Variants in SLC35D4 observed in about 807,000 individuals in gnomAD.
SLC35D4 encodes UDP-N-acetylglucosamine transporter SLC35D4.
chr18:23,365,987 T>G, the SLC35D4 span, among the ~76,000 whole-genome samples: 1 of 152,274 alleles, frequency 6.6e-6, no homozygotes, highest in African/African-American at 2.4e-5. Flanking sequence ...CCAAGAGTAT[T>G]TATAAGCTAA....
chr18:23,302,346 T>C, the SLC35D4 span, among the ~76,000 whole-genome samples: 1 of 152,320 alleles, frequency 6.6e-6, no homozygotes, highest in Middle Eastern at 3.4e-3. Flanking sequence ...TTTAGACCAG[T>C]GATTCTCAAC....
At chr18:23,264,001 C>T in the SLC35D4 span, among the ~76,000 whole-genome samples, 2 of 152,218 alleles carry the variant, frequency 1.3e-5, no homozygotes, top group Non-Finnish European at 1.5e-5. Context: ...ACTCGAGCAC[C>T]TATCACAGGG....
the SLC35D4 span, among the ~76,000 whole-genome samples, chr18:23,304,832 C>G: frequency 6.6e-5 from 10 of 152,280 alleles, no homozygotes; most frequent in African/African-American, 2.4e-4. Flanking sequence ...CAACTCTCAG[C>G]CCAGCTAAGC....
At chr18:23,416,025 C>T in the SLC35D4 span, among the ~76,000 whole-genome samples, 12 of 152,058 alleles carry the variant, frequency 7.9e-5, no homozygotes, top group Admixed American at 5.9e-4. Flanking sequence ...CTGACCAACA[C>T]GGTGAAACCA....
the SLC35D4 span, among the ~76,000 whole-genome samples, chr18:23,275,594 G>GTGCTGTGCTGTGCTGTGCTGTGCTA: frequency 4.6e-5 from 1 of 21,720 alleles, no homozygotes; most frequent in African/African-American, 2.6e-4. Flanking sequence ...GTCAGAAAGA[G>GTGCTGTGCTGTGCTGTGCTGTGCTA]TGCTGTGCTG....
chr18:23,269,883 A>G, the SLC35D4 span, among the ~76,000 whole-genome samples: 1 of 152,252 alleles, frequency 6.6e-6, no homozygotes, highest in East Asian at 1.9e-4. Context: ...TAAGTGGCAA[A>G]GCATTCAAGA....
the SLC35D4 span, among the ~76,000 whole-genome samples, chr18:23,379,059 G>A: frequency 6.6e-6 from 1 of 152,104 alleles, no homozygotes; most frequent in Admixed American, 6.5e-5. Context: ...AAGGAGGAGG[G>A]CAAAGGTGAT....
At chr18:23,388,563 T>C in the SLC35D4 span, among the ~76,000 whole-genome samples, 1 of 152,182 alleles carries the variant, frequency 6.6e-6, no homozygotes, top group East Asian at 1.9e-4. Context: ...AGTGAAAACT[T>C]CCGGGACCTC....
the SLC35D4 span, among the ~76,000 whole-genome samples, chr18:23,341,954 T>C: frequency 6.6e-6 from 1 of 151,154 alleles, no homozygotes; most frequent in African/African-American, 2.4e-5. Flanking sequence ...AAAAAGAGAC[T>C]TGAAACTAGT....
At chr18:23,367,022 C>T in the SLC35D4 span, among the ~76,000 whole-genome samples, 1 of 152,138 alleles carries the variant, frequency 6.6e-6, no homozygotes, top group Non-Finnish European at 1.5e-5. Flanking sequence ...ATTATTTTAC[C>T]TCCCTGAATC....
At chr18:23,253,768 T>C in the SLC35D4 span, 4 of 1,614,204 alleles carry the variant, frequency 2.5e-6, no homozygotes, top group Non-Finnish European at 3.4e-6. Flanking sequence ...AGGAGGACTG[T>C]GGCCTTGAGG....
the SLC35D4 span, among the ~76,000 whole-genome samples, chr18:23,338,954 C>T: frequency 6.6e-6 from 1 of 152,184 alleles, no homozygotes; most frequent in African/African-American, 2.4e-5. Flanking sequence ...GCAATCATAG[C>T]TCATTGCAGC....
the SLC35D4 span, among the ~76,000 whole-genome samples, chr18:23,278,506 C>T: frequency 6.6e-6 from 1 of 152,216 alleles, no homozygotes; most frequent in East Asian, 1.9e-4. Flanking sequence ...GCCATCATTT[C>T]CTGGGGGTTA....
At chr18:23,430,803 C>A in the SLC35D4 span, 1 of 840,776 alleles carries the variant, frequency 1.2e-6, no homozygotes. Flanking sequence ...TTTAAAAAGG[C>A]CATTATTCCC....
At chr18:23,287,089 CT>C in the SLC35D4 span, among the ~76,000 whole-genome samples, 1 of 152,030 alleles carries the variant, frequency 6.6e-6, no homozygotes, top group African/African-American at 2.4e-5. Flanking sequence ...CCTGTTATCA[CT>C]CGCCTGCTAC....
chr18:23,241,668 T>A, the SLC35D4 span, among the ~76,000 whole-genome samples: 1 of 152,212 alleles, frequency 6.6e-6, no homozygotes, highest in Non-Finnish European at 1.5e-5. Flanking sequence ...CTTTTTAATT[T>A]CTCTTGGGGT....
the SLC35D4 span, chr18:23,430,598 A>C: frequency 3.9e-6 from 6 of 1,546,976 alleles, no homozygotes; most frequent in Non-Finnish European, 4.4e-6. Context: ...ACATTTCCTA[A>C]AAATGTATAT....
chr18:23,334,534 A>G, the SLC35D4 span, among the ~76,000 whole-genome samples: 1 of 152,236 alleles, frequency 6.6e-6, no homozygotes, highest in Non-Finnish European at 1.5e-5. Flanking sequence ...CTTGTTGCAT[A>G]CTTGACTAAC....
the SLC35D4 span, among the ~76,000 whole-genome samples, chr18:23,244,054 T>C: frequency 6.6e-6 from 1 of 152,188 alleles, no homozygotes; most frequent in Non-Finnish European, 1.5e-5. Flanking sequence ...TTTTTGACAA[T>C]CACTTCGTGA....
Sources: allele counts gnomAD v4.1 joint callset (sites outside exome capture counted in the v4.1 genomes callset), GRCh38; gene constraint gnomAD v4.1.1; transcripts MANE v1.5; gene names NCBI Gene and HGNC (gene_info 2026-07-23, HGNC 2026-07-21).